Variants in HEATR6 observed in about 807,000 individuals in gnomAD.
The protein encoded by HEATR6 is HEAT repeat-containing protein 6.
In HEATR6, 106 loss-of-function variants were observed where a neutral mutation model predicts 132.8. That is an observed-to-expected ratio of 0.80 (90% CI 0.68 to 0.94). HEATR6 has a LOEUF of 0.94. Ranked by LOEUF, HEATR6 falls within the 40% of genes least tolerant of loss-of-function variation. The pLI is 0.00. For synonymous variants in HEATR6, 529 were observed against 537.8 expected (o/e 0.98, Z 0.23); for missense variants, 1,339 against 1,425.1 (o/e 0.94, Z 0.97).
At position 60,070,706 on chromosome 17, in the gene HEATR6, C is replaced by CT. The variant is rs1227907193; in HGVS notation, c.800dup (p.Lys268GlufsTer27). ...ATGATCATATGAAGACTTGCCTTACCTTTAGCACAGCTAAAAGTGCTCCAA... is the reference window on the plus strand; with the variant it reads ...ATGATCATATGAAGACTTGCCTTACCTTTTAGCACAGCTAAAAGTGCTCCAA... On this transcript the variant is annotated frameshift_variant and splice_region_variant, in exon 6 of 20. Transcript: ENST00000184956. LOFTEE classifies it high-confidence loss of function. 1 of 1,559,220 alleles carries CT rather than the reference C, an allele frequency of 6.4e-7. No individual in the cohort carries two copies. Among genetic ancestry groups the CT allele is most frequent in the East Asian group, 2.2e-5 (1 of 44,588 alleles).
intron 2 of HEATR6, chr17:60,075,552 T>A (rs1435442377): frequency 6.6e-6 from 1 of 152,196 alleles, no homozygotes; most frequent in African/African-American, 2.4e-5. Flanking sequence ...CTACTTCTTA[T>A]ATTTTAGAAG....
At position 60,078,873 on chromosome 17, in the gene HEATR6, C is replaced by G; in HGVS notation, c.42G>C (p.Gln14His). 6.3e-7 allele frequency: 1 copy of G among 1,592,230 alleles called. No individual in the cohort carries two copies. Among genetic ancestry groups the G allele is most frequent in the Non-Finnish European group, 8.5e-7 (1 of 1,175,950 alleles). The change falls in exon 1 of 20, where the codon CAG becomes CAC. Residue 14 changes from glutamine to histidine, a missense_variant. Coordinates refer to ENST00000184956, the MANE Select transcript of HEATR6 (RefSeq NM_022070.5). ...VQVVGSWPSV[Q>H]PREAPREAIP... The stretch of plus-strand genomic sequence containing the variant: ...TTGCTTCCCGCGGTGCCTCCCGCGG[C>G]TGCACGGAAGGCCACGAACCGACAA...
chr17:60,068,521 C>A (rs1597955345), intron 7 of HEATR6, among the ~76,000 whole-genome samples: 1 of 148,806 alleles, frequency 6.7e-6, no homozygotes, highest in East Asian at 2.0e-4. Context: ...ATATAAGATT[C>A]TTTAATGAAT....
rs769144742 is a variant in HEATR6, at chr17:60,043,745, G to T, written c.3364C>A (p.Pro1122Thr). Reference protein sequence around the residue: ...SGAEGDDTGAPHSPQERDQMV... With the variant: ...SGAEGDDTGATHSPQERDQMV... Reference sequence around the variant, plus strand: ...TGGTCTCTTTCCTGTGGGCTGTGGGGTGCTCCAGTGTCATCTCCCTCTGCT... The same window carrying T: ...TGGTCTCTTTCCTGTGGGCTGTGGGTTGCTCCAGTGTCATCTCCCTCTGCT... The change falls in exon 20 of 20, where the codon CCC becomes ACC. Residue 1122 changes from proline (P) to threonine (T), a missense_variant. Physicochemically the swap from Pro to Thr is conservative, Grantham distance 38. Transcript: ENST00000184956. The T allele has an allele frequency of 2.5e-6, 4 of 1,614,150 alleles. No individual in the cohort carries two copies. The South Asian group carries it at 4.4e-5, about 18-fold the overall frequency.
chr17:60,070,859 C>T, intron 5 of HEATR6, 52 bp from the exon 6 acceptor site: 1 of 971,220 alleles, frequency 1.0e-6, no homozygotes, highest in East Asian at 2.4e-5. Context: ...TCTGGTTGTC[C>T]AGGAATCAAC....
At chr17:60,073,131 T>C (rs758612176) in intron 4 of HEATR6, 33 bp downstream of exon 4, 16 of 1,280,126 alleles carry the variant, frequency 1.2e-5, no homozygotes, top group Non-Finnish European at 1.6e-5. Context: ...CACTATCTTA[T>C]TACCATTGAG....
intron 14 of HEATR6, among the ~76,000 whole-genome samples, chr17:60,052,500 G>A (rs770528303): frequency 1.3e-5 from 2 of 152,108 alleles, no homozygotes; most frequent in Non-Finnish European, 2.9e-5. Flanking sequence ...ATCTAGCAAA[G>A]GGAGAAGTTT....
rs554314301 is a variant in HEATR6 at position 60,043,412 on chromosome 17, C to T, written c.*151G>A. 27 of 689,416 alleles carry T rather than the reference C, an allele frequency of 3.9e-5. No individual in the cohort carries two copies. The highest frequency in any genetic ancestry group is 5.9e-5 in the Non-Finnish European group (24 of 409,936). The allele number at this position is 689,416 out of a possible 1,614,324, so 42.7% of individuals were successfully genotyped here. A position where few individuals can be genotyped will look rare whatever the true frequency, so the allele number is the denominator to read the frequency against. On this transcript the variant is annotated 3_prime_UTR_variant, in exon 20 of 20. Transcript: ENST00000184956. ...TGGAGTCACTCCAAAGGTGGTTGAG[C>T]CCTCTGTGAAAATTTAAATGGCTGC...
intron 14 of HEATR6, among the ~76,000 whole-genome samples, chr17:60,055,084 C>G (rs916301449): frequency 4.6e-5 from 7 of 152,022 alleles, no homozygotes; most frequent in African/African-American, 1.5e-4. Flanking sequence ...TTTAAAAGAG[C>G]CTGGCATCTC....
intron 1 of HEATR6, among the ~76,000 whole-genome samples, chr17:60,077,982 G>T (rs1229962820): frequency 6.6e-6 from 1 of 152,222 alleles, no homozygotes; most frequent in Admixed American, 6.5e-5. Context: ...ATGCATGTGT[G>T]TTGGAAGGTG....
chr17:60,043,588 GCCC>G lies in HEATR6; in HGVS notation c.3518_3520del (p.Gly1173del), dbSNP rs5821289. The G allele has an allele frequency of 6.2e-7, 1 of 1,613,190 alleles. No homozygotes were observed. Among genetic ancestry groups the G allele is most frequent in the Admixed American group, 1.7e-5 (1 of 59,994 alleles). On this transcript the variant is annotated inframe_deletion, in exon 20 of 20. Coordinates refer to ENST00000184956, the MANE Select transcript of HEATR6 (RefSeq NM_022070.5). Reference sequence around the variant, plus strand: ...TCACTGATTTGTTAACCCTGGGAGTGCCCCTTGTGATCCAGATGAGTCAAAACA... The same window carrying G: ...TCACTGATTTGTTAACCCTGGGAGTGCTTGTGATCCAGATGAGTCAAAACA...
intron 14 of HEATR6, among the ~76,000 whole-genome samples, chr17:60,052,326 G>A (rs1423232492): frequency 6.6e-6 from 1 of 152,192 alleles, no homozygotes; most frequent in South Asian, 2.1e-4. Context: ...CCTAATTCCT[G>A]ACCCACAGAA....
At chr17:60,074,263 T>C (rs2083286002) in intron 2 of HEATR6, 3 of 268,784 alleles carry the variant, frequency 1.1e-5, no homozygotes, top group Admixed American at 6.3e-5. Context: ...ATATAACTGC[T>C]AAATACCTAC....
chr17:60,060,088 G>C lies in HEATR6; in HGVS notation c.1425C>G (p.Ala475=). ...TGGCAGATAAAACTTGCAGAGCACA[G>C]GCACGTGTCTGAAATTTCGGGATGA... ...TLKDPSPKTR[A]CALQVLSAIL... The change falls in exon 10 of 20, where the codon GCC becomes GCG. Residue 475 remains alanine, a synonymous_variant. Transcript: ENST00000184956. 6.2e-7 allele frequency: 1 copy of C among 1,613,388 alleles called. No homozygotes were observed. The highest frequency in any genetic ancestry group is 2.2e-5 in the East Asian group (1 of 44,886).
intron 1 of HEATR6, among the ~76,000 whole-genome samples, chr17:60,077,037 T>C (rs1266760831): frequency 6.6e-6 from 1 of 151,998 alleles, no homozygotes; most frequent in African/African-American, 2.4e-5. Context: ...GCACCTACTA[T>C]GTGTCATAGT....
chr17:60,076,156 T>A lies in HEATR6; in HGVS notation c.301A>T (p.Ile101Phe), dbSNP rs371176628. 2 of 1,609,490 alleles carry A rather than the reference T, an allele frequency of 1.2e-6. No individual in the cohort carries two copies. Among genetic ancestry groups the A allele is most frequent in the African/African-American group, 1.3e-5 (1 of 74,804 alleles). The change falls in exon 2 of 20, where the codon ATC becomes TTC. Residue 101 changes from isoleucine (I) to phenylalanine (F), a missense_variant. By Grantham distance (21) the Ile-to-Phe change is conservative. Coordinates refer to ENST00000184956, the MANE Select transcript of HEATR6 (RefSeq NM_022070.5). ...TGTAATCTGTTAAGTAAATGGTGGA[T>A]AAGCTGGCTCACTTTGCTGACAAGA... ...NHLVSKVSQL[I>F]HHLLNRLQVI...
chr17:60,068,633 G>A (rs186554518), intron 7 of HEATR6, among the ~76,000 whole-genome samples: 9 of 150,418 alleles, frequency 6.0e-5, no homozygotes, highest in Non-Finnish European at 1.2e-4. Context: ...TTCTCTCCCC[G>A]CACTGAAACT....
In HEATR6 at chr17:60,048,318, C is replaced by A; in HGVS notation, c.2618G>T (p.Arg873Leu). Residue 873 changes from arginine (R) to leucine (L), a missense_variant, in exon 17 of 20, where the codon CGA (arginine) becomes CTA (leucine). Physicochemically the swap from Arg to Leu is moderately radical, Grantham distance 102 (BLOSUM62 -2). Coordinates refer to ENST00000184956, the MANE Select transcript of HEATR6 (RefSeq NM_022070.5). Reference protein sequence around the residue: ...MSLEDKSLNVRAKAAWSLGNL... With the variant: ...MSLEDKSLNVLAKAAWSLGNL... Reference sequence around the variant, plus strand: ...GCCCAGGGACCAGGCTGCTTTGGCTCGAACATTCAGAGACTTGTCTTCAAG... The same window carrying A: ...GCCCAGGGACCAGGCTGCTTTGGCTAGAACATTCAGAGACTTGTCTTCAAG... 1 of 1,613,558 alleles carries A rather than the reference C, an allele frequency of 6.2e-7. No homozygotes were observed. Among genetic ancestry groups the A allele is most frequent in the Non-Finnish European group, 8.5e-7 (1 of 1,179,638 alleles).
rs989826338 is a variant in HEATR6 at position 60,042,175 on chromosome 17, C to G, written c.*1388G>C. ...TGTGGGATCACATTCTCCTAAAGAG[C>G]ATCAGGAAATGTAGGTAGAAGTCAA... is the stretch of plus-strand genomic sequence containing the variant. On this transcript the variant is annotated 3_prime_UTR_variant, in exon 20 of 20. Coordinates refer to ENST00000184956, the MANE Select transcript of HEATR6 (RefSeq NM_022070.5). 6.6e-6 allele frequency among the ~76,000 whole-genome samples: 1 copy of G among 152,224 alleles called. No individual in the cohort carries two copies. Among genetic ancestry groups the G allele is most frequent in the African/African-American group, 2.4e-5 (1 of 41,462 alleles).
Sources: allele counts gnomAD v4.1 joint callset (sites outside exome capture counted in the v4.1 genomes callset), GRCh38; gene constraint gnomAD v4.1.1; transcripts MANE v1.5; gene names NCBI Gene and HGNC (gene_info 2026-07-23, HGNC 2026-07-21).